PLAC9: variants seen among roughly 807,000 people sequenced by gnomAD.
The protein encoded by PLAC9 is placenta associated 9, also known as placenta-specific protein 9.
Under a neutral mutation model 11.5 loss-of-function variants are expected in PLAC9, and 12 were observed. That is an observed-to-expected ratio of 1.05 (90% CI 0.67 to 1.69). PLAC9 has a LOEUF of 1.69. PLAC9 is among the 40% of genes most tolerant of loss of function. The pLI, the probability that PLAC9 is intolerant of heterozygous loss-of-function variation, is 0.00. For missense variants in PLAC9, 132 were observed against 130.5 expected (o/e 1.01, Z -0.06); for synonymous variants, 62 against 58.1 (o/e 1.07, Z -0.31).
Position 80,132,846 on chromosome 10 carries a change from C to T in PLAC9, c.64+20C>T, listed in dbSNP as rs905079159. The T allele has an allele frequency of 6.7e-7, 1 of 1,481,724 alleles. No homozygotes were observed. Among genetic ancestry groups the T allele is most frequent in the African/African-American group, 1.5e-5 (1 of 68,906 alleles). The allele number at this position is 1,481,724 out of a possible 1,614,324, so 91.8% of individuals were successfully genotyped here. A position where few individuals can be genotyped will look rare whatever the true frequency, so the allele number is the denominator to read the frequency against. On this transcript the variant is annotated intron_variant, in intron 1 of 3. Coordinates refer to ENST00000372263, the MANE Select transcript of PLAC9 (RefSeq NM_001012973.3). ...TGGCCGGTGAGTGGGGCGCAGGGCGCGGCAGGGGACCTGGAGCCGGGGAGA... is the reference window on the plus strand; with the variant it reads ...TGGCCGGTGAGTGGGGCGCAGGGCGTGGCAGGGGACCTGGAGCCGGGGAGA...
At chr10:80,135,636 G>A (rs1659557209) in intron 1 of PLAC9, among the ~76,000 whole-genome samples, 1 of 151,956 alleles carries the variant, frequency 6.6e-6, no homozygotes, top group Non-Finnish European at 1.5e-5. Flanking sequence ...ACCGCGCTGG[G>A]CCCAAGTCTT....
At chr10:80,143,432 CTG>C (rs1845064609) in intron 2 of PLAC9, among the ~76,000 whole-genome samples, 1 of 127,148 alleles carries the variant, frequency 7.9e-6, no homozygotes, top group Admixed American at 8.9e-5. Context: ...GAGTCTCACT[CTG>C]TCACCCAGGC....
chr10:80,143,015 G>T lies in PLAC9; in HGVS notation c.162+836G>T, dbSNP rs749490085. ...TGGGATTACAGGCATGAGCCACTGT[G>T]CCCGGCCAATACATATATTACATCA... On this transcript the variant is annotated intron_variant, in intron 2 of 3. Transcript: ENST00000372263. Among the ~76,000 whole-genome samples, 5 of 151,870 alleles carry T rather than the reference G, an allele frequency of 3.3e-5. 1 individual carries two copies. The highest frequency in any genetic ancestry group is 5.9e-5 in the Non-Finnish European group (4 of 67,990).
chr10:80,144,848 G>C, intron 3 of PLAC9, 52 bp from the exon 4 acceptor site: 1 of 1,536,350 alleles, frequency 6.5e-7, no homozygotes, highest in Non-Finnish European at 8.7e-7. Context: ...CACGGGGGCA[G>C]GTACTCTGCG....
chr10:80,132,980 T>C (rs758636833), intron 1 of PLAC9, among the ~76,000 whole-genome samples, 154 bp downstream of exon 1: 11 of 151,554 alleles, frequency 7.3e-5, no homozygotes, highest in Non-Finnish European at 1.2e-4. Flanking sequence ...GAGAGAAAGA[T>C]TGAGAGGAAA....
At chr10:80,138,318 A>G (rs555976990) in intron 1 of PLAC9, among the ~76,000 whole-genome samples, 36 of 152,286 alleles carry the variant, frequency 2.4e-4, no homozygotes, top group African/African-American at 8.7e-4. Flanking sequence ...ACAGCCTTTC[A>G]TCTGTAAATA....
chr10:80,131,869 C>T (rs1844917123), upstream of PLAC9: 1 of 152,286 alleles, frequency 6.6e-6, no homozygotes, highest in Non-Finnish European at 1.5e-5. Flanking sequence ...CAAAGGCATT[C>T]TCCCAGGCTT....
rs571484525 is a variant in PLAC9, at chr10:80,145,273, C to T, written c.*363C>T. 2.4e-6 allele frequency: 1 copy of T among 410,816 alleles called. No individual in the cohort carries two copies. The highest frequency in any genetic ancestry group is 2.1e-5 in the African/African-American group (1 of 47,668). 25.4% of individuals were successfully genotyped at this position (410,816 alleles called of 1,614,324 possible). ...GGGGATCAGGGTCTCAGGACCCACC[C>T]AGACTGTTTAATCCAAATCTGCATT... On this transcript the variant is annotated 3_prime_UTR_variant, in exon 4 of 4. Coordinates refer to ENST00000372263, the MANE Select transcript of PLAC9 (RefSeq NM_001012973.3).
intron 1 of PLAC9, among the ~76,000 whole-genome samples, chr10:80,134,265 CTTTT>C (rs559784722): frequency 1.9e-4 from 25 of 134,636 alleles, no homozygotes; most frequent in Non-Finnish European, 3.0e-4. Flanking sequence ...TTCTTTCTTT[CTTTT>C]TTTTTTTTTT....
chr10:80,132,517 G>C (rs2257025), upstream of PLAC9: 220,967 of 425,938 alleles, frequency 0.52, 61,317 homozygotes, highest in Non-Finnish European at 0.59. Flanking sequence ...CTCGGGGGGC[G>C]GCCCCTTCCT....
intron 3 of PLAC9, among the ~76,000 whole-genome samples, 189 bp downstream of exon 3, chr10:80,144,532 C>G (rs967935407): frequency 1.3e-5 from 2 of 151,268 alleles, no homozygotes; most frequent in African/African-American, 4.9e-5. Flanking sequence ...ACCTGCCACA[C>G]CCGGTGGCTG....
intron 1 of PLAC9, among the ~76,000 whole-genome samples, chr10:80,138,171 C>A (rs1480848755): frequency 1.3e-5 from 2 of 152,140 alleles, no homozygotes; most frequent in African/African-American, 4.8e-5. Flanking sequence ...GCTGAATGCA[C>A]CCCCATTTGC....
At chr10:80,139,740 T>A (rs555571783) in intron 1 of PLAC9, among the ~76,000 whole-genome samples, 40 of 130,318 alleles carry the variant, frequency 3.1e-4, no homozygotes, top group African/African-American at 1.2e-3. Context: ...ATGGCCACCA[T>A]TTTTTTTTTA....
intron 1 of PLAC9, among the ~76,000 whole-genome samples, chr10:80,139,534 C>T (rs1845016554): frequency 6.6e-6 from 1 of 152,190 alleles, no homozygotes; most frequent in Admixed American, 6.5e-5. Flanking sequence ...TGGGGGAGGA[C>T]TCGTGCTTCC....
At position 80,144,276 on chromosome 10, in the gene PLAC9, C is replaced by T. The variant is rs1167544224; in HGVS notation, c.216C>T (p.Gly72=). 6.2e-7 allele frequency: 1 copy of T among 1,613,910 alleles called. No individual in the cohort carries two copies. Among genetic ancestry groups the T allele is most frequent in the South Asian group, 1.1e-5 (1 of 91,082 alleles). ...GGACAGAGGTGAAAGGCCTGCTGGG[C>T]CTGCTGGAGGAGCTGGCCTGGAACC... ...HLGTEVKGLL[G]LLEELAWNLP... Residue 72 remains glycine (G), a synonymous_variant, in exon 3 of 4, where the codon GGC becomes GGT. Coordinates refer to ENST00000372263, the MANE Select transcript of PLAC9 (RefSeq NM_001012973.3).
chr10:80,135,270 C>A (rs895133771), intron 1 of PLAC9, among the ~76,000 whole-genome samples: 7 of 150,866 alleles, frequency 4.6e-5, no homozygotes, highest in Admixed American at 4.0e-4. Flanking sequence ...GATTTGCCCG[C>A]CTCGGCCTCC....
Position 80,145,051 on chromosome 10 carries a change from A to G in PLAC9, c.*141A>G. The G allele has an allele frequency of 8.8e-7, 1 of 1,130,608 alleles. No individual in the cohort carries two copies. 70.0% of individuals were successfully genotyped at this position (1,130,608 alleles called of 1,614,324 possible). A position where few individuals can be genotyped will look rare whatever the true frequency, so the allele number is the denominator to read the frequency against. Reference sequence around the variant, plus strand: ...TGGTCTCCTCTGTGTCTGCTGACAGAGTAACCCGTTTAACTACAGCCTCCT... The same window carrying G: ...TGGTCTCCTCTGTGTCTGCTGACAGGGTAACCCGTTTAACTACAGCCTCCT... On this transcript the variant is annotated 3_prime_UTR_variant, in exon 4 of 4. Transcript: ENST00000372263.
chr10:80,138,328 A>AT (rs1845001998), intron 1 of PLAC9, among the ~76,000 whole-genome samples: 1 of 152,116 alleles, frequency 6.6e-6, no homozygotes, highest in African/African-American at 2.4e-5. Context: ...ATCTGTAAAT[A>AT]TTTCAGTATA....
chr10:80,137,487 A>G (rs11201844), intron 1 of PLAC9, among the ~76,000 whole-genome samples: 21,566 of 152,176 alleles, frequency 0.14, 2,802 homozygotes, highest in African/African-American at 0.35. Context: ...GCAGGGGGGT[A>G]TGTGTATCCA....
Sources: gnomAD v4.1 joint callset for allele counts (sites outside exome capture counted in the v4.1 genomes callset) on GRCh38, gnomAD v4.1.1 for gene constraint, MANE v1.5 for transcripts, NCBI Gene and HGNC (gene_info 2026-07-23, HGNC 2026-07-21) for gene names.